The following EIF3E variants were observed in gnomAD, a reference collection of about 807,000 sequenced individuals.
EIF3E encodes eIF-3 p48.
EIF3E carries 25 observed loss-of-function variants against 59.3 expected under a neutral mutation model. The ratio of observed to expected loss-of-function variants is 0.42; its 90% confidence interval spans 0.31 to 0.59. The LOEUF is 0.59. EIF3E is among the 20% of genes least tolerant of loss of function. EIF3E has a pLI of 0.15. For synonymous variants in EIF3E, 176 were observed against 170.2 expected, an observed-to-expected ratio of 1.03 and a Z score of -0.26; for missense variants, 317 against 534.3, an observed-to-expected ratio of 0.59 and a Z score of 4.01.
rs921605241 is a variant in EIF3E, at chr8:108,227,580, A to C, written c.722+687T>G. 2.6e-5 allele frequency: 4 copies of C among 152,330 alleles called. No homozygotes were observed. The East Asian group carries it at 5.8e-4, about 22-fold the overall frequency. 9.4% of individuals were successfully genotyped at this position (152,330 alleles called of 1,614,324 possible). On this transcript the variant is annotated intron_variant, in intron 7 of 12. Transcript: ENST00000220849. Reference sequence around the variant, plus strand: ...ATCTAAAAAGGCAATCAAAATACTAAAGGGTCTGAAAAACTGTGTTACTTA... The same window carrying C: ...ATCTAAAAAGGCAATCAAAATACTACAGGGTCTGAAAAACTGTGTTACTTA...
intron 1 of EIF3E, among the ~76,000 whole-genome samples, chr8:108,245,944 C>T (rs1236104107): frequency 2.6e-5 from 4 of 152,174 alleles, no homozygotes; most frequent in Non-Finnish European, 5.9e-5. Context: ...CAAGACCCCC[C>T]AGCGGCTGCT....
chr8:108,248,636 G>A lies in EIF3E; in HGVS notation c.67C>T (p.Leu23Phe). Residue 23 changes from leucine to phenylalanine, a missense_variant, in exon 1 of 13, where the codon CTT (leucine) becomes TTT (phenylalanine). Around this residue, in one of 4 missense-constraint regions of EIF3E, gnomAD observed 242 missense variants for 398.0 expected, o/e 0.61. Transcript: ENST00000220849. ...ACCTCCTTTACAGAGAGAAATTCAAGAAGCGGAAAGACTAGATGCCGATCC... is the reference window on the plus strand; with the variant it reads ...ACCTCCTTTACAGAGAGAAATTCAAAAAGCGGAAAGACTAGATGCCGATCC... ...FLDRHLVFPL[L>F]EFLSVKEIYN... 6.2e-7 allele frequency: 1 copy of A among 1,614,108 alleles called. No individual in the cohort carries two copies. The highest frequency in any genetic ancestry group is 8.5e-7 in the Non-Finnish European group (1 of 1,180,020).
At chr8:108,247,814 TATAACTAATGTCA>T (rs1275179395) in intron 1 of EIF3E, among the ~76,000 whole-genome samples, 3 of 152,196 alleles carry the variant, frequency 2.0e-5, no homozygotes, top group Non-Finnish European at 4.4e-5. Context: ...AAACTCACGG[TATAACTAATGTCA>T]ATTTTCTTTT....
intron 2 of EIF3E, among the ~76,000 whole-genome samples, chr8:108,240,535 G>A (rs954210204): frequency 6.6e-6 from 1 of 152,192 alleles, no homozygotes; most frequent in African/African-American, 2.4e-5. Flanking sequence ...TAGGTTGAAT[G>A]GAATTTAAAT....
At chr8:108,245,735 A>G (rs1751314123) in intron 1 of EIF3E, among the ~76,000 whole-genome samples, 1 of 152,248 alleles carries the variant, frequency 6.6e-6, no homozygotes, top group Non-Finnish European at 1.5e-5. Context: ...AAGAAGAGTG[A>G]GAAACAAGTA....
rs538326072 is a variant in EIF3E at position 108,216,802 on chromosome 8, C to T, written c.850-289G>A. Among the ~76,000 whole-genome samples the T allele has an allele frequency of 2.6e-5, 4 of 152,276 alleles. No individual in the cohort carries two copies. In the East Asian group the frequency reaches 7.7e-4, roughly 29 times the overall value. ...TTGGTCAATAAACAGTAATAAACTTCCCCAATCATAAGGGTATTCATTCCC... is the reference window on the plus strand; with the variant it reads ...TTGGTCAATAAACAGTAATAAACTTTCCCAATCATAAGGGTATTCATTCCC... On this transcript the variant is annotated intron_variant, in intron 8 of 12. Coordinates refer to ENST00000220849, the MANE Select transcript of EIF3E (RefSeq NM_001568.3).
chr8:108,232,071 T>C (rs1395870012), intron 5 of EIF3E, among the ~76,000 whole-genome samples: 1 of 152,084 alleles, frequency 6.6e-6, no homozygotes, highest in Non-Finnish European at 1.5e-5. Context: ...ATTAATTAAC[T>C]AAAAAGTAAA....
Position 108,203,639 on chromosome 8 carries a change from C to G in EIF3E, c.1062-136G>C. On this transcript the variant is annotated intron_variant, in intron 10 of 12. Transcript: ENST00000220849. ...CACCCTTCTCTTATATACCATGACCCCTACTGTCTGATTTGTTCATGTGCT... is the reference window on the plus strand; with the variant it reads ...CACCCTTCTCTTATATACCATGACCGCTACTGTCTGATTTGTTCATGTGCT... 4 of 672,508 alleles carry G rather than the reference C, an allele frequency of 5.9e-6. 1 individual carries two copies. In the South Asian group the frequency reaches 7.3e-5, roughly 12 times the overall value. 41.7% of individuals were successfully genotyped at this position (672,508 alleles called of 1,614,324 possible).
rs1377481295 is a variant in EIF3E at position 108,204,764 on chromosome 8, G to T, written c.1062-1261C>A. On this transcript the variant is annotated intron_variant, in intron 10 of 12. Transcript: ENST00000220849. ...ATATATATAGAGAGAGAGAGAGAGA[G>T]AGAGAGAGAGAGAGAGACAGAGAGA... Among the ~76,000 whole-genome samples, 503 of 129,624 alleles carry T rather than the reference G, an allele frequency of 3.9e-3. 3 individuals carry two copies. The highest frequency in any genetic ancestry group is 8.7e-3 in the African/African-American group (261 of 30,046). The allele number at this position is 129,624 out of a possible 152,430, so 85.0% of individuals were successfully genotyped here.
At chr8:108,209,534 AAT>A (rs1305833301) in intron 10 of EIF3E, among the ~76,000 whole-genome samples, 1 of 152,076 alleles carries the variant, frequency 6.6e-6, no homozygotes, top group Non-Finnish European at 1.5e-5. Context: ...CCACTTATTT[AAT>A]ATCCGCTTCT....
In EIF3E at chr8:108,234,960, C is replaced by CAAAAA. The variant is rs3075616; in HGVS notation, c.471+33_471+37dup. 157 of 873,864 alleles carry CAAAAA rather than the reference C, an allele frequency of 1.8e-4. 3 individuals carry two copies. The highest frequency in any genetic ancestry group is 5.7e-4 in the South Asian group (26 of 45,528). The allele number at this position is 873,864 out of a possible 1,614,324, so 54.1% of individuals were successfully genotyped here. On this transcript the variant is annotated intron_variant, in intron 5 of 12. Coordinates refer to ENST00000220849, the MANE Select transcript of EIF3E (RefSeq NM_001568.3). ...AGAACCAAGGGAATCCTACAAAAGA[C>CAAAAA]AAAAAAAAAAAAAAAAAAAACATGT...
Position 108,201,934 on chromosome 8 carries a change from C to T in EIF3E, c.1300-11G>A. ...TGCCCAGTTAGGAGCCTAAAATATG[C>T]AAAAAGAAATCAACACCGTGAAAAG... On this transcript the variant is annotated splice_polypyrimidine_tract_variant and intron_variant, in intron 12 of 12. Transcript: ENST00000220849. 1.3e-6 allele frequency: 2 copies of T among 1,562,318 alleles called. No individual in the cohort carries two copies. The highest frequency in any genetic ancestry group is 1.8e-5 in the Admixed American group (1 of 54,688).
chr8:108,247,185 T>C (rs922917119), intron 1 of EIF3E, among the ~76,000 whole-genome samples: 1 of 152,172 alleles, frequency 6.6e-6, no homozygotes, highest in Non-Finnish European at 1.5e-5. Flanking sequence ...TCTAGCCCTA[T>C]GAAAATCTAA....
intron 7 of EIF3E, among the ~76,000 whole-genome samples, chr8:108,217,713 CTAT>C (rs1254771294): frequency 5.3e-5 from 8 of 152,076 alleles, no homozygotes; most frequent in African/African-American, 1.9e-4. Flanking sequence ...GCTAATTATC[CTAT>C]TATTATTTTT....
intron 10 of EIF3E, among the ~76,000 whole-genome samples, chr8:108,204,746 T>TATAGAGAGAG (rs1354950271): frequency 1.8e-5 from 2 of 113,686 alleles, no homozygotes; most frequent in East Asian, 2.9e-4. Context: ...TATATATATA[T>TATAGAGAGAG]AGAGAGAGAG....
chr8:108,248,488 C>G lies in EIF3E; in HGVS notation c.90+125G>C, dbSNP rs759217648. 11 of 839,144 alleles carry G rather than the reference C, an allele frequency of 1.3e-5. No individual in the cohort carries two copies. In the East Asian group the frequency reaches 2.5e-4, roughly 19 times the overall value. 52.0% of individuals were successfully genotyped at this position (839,144 alleles called of 1,614,324 possible). Reference sequence around the variant, plus strand: ...AAACTACCAGAAGATCCTTAGTGTCCGTCCAGGAACCAAACTCGCGACCGC... The same window carrying G: ...AAACTACCAGAAGATCCTTAGTGTCGGTCCAGGAACCAAACTCGCGACCGC... On this transcript the variant is annotated intron_variant, in intron 1 of 12. Coordinates refer to ENST00000220849, the MANE Select transcript of EIF3E (RefSeq NM_001568.3).
At chr8:108,209,611 A>T (rs150422084) in intron 10 of EIF3E, among the ~76,000 whole-genome samples, 6 of 152,302 alleles carry the variant, frequency 3.9e-5, no homozygotes, top group African/African-American at 1.4e-4. Context: ...TGGCCAAAAG[A>T]GGCACTCATT....
At chr8:108,204,111 C>CT (rs1239073036) in intron 10 of EIF3E, among the ~76,000 whole-genome samples, 2 of 151,994 alleles carry the variant, frequency 1.3e-5, no homozygotes, top group Non-Finnish European at 2.9e-5. Flanking sequence ...ACTTGGGAAT[C>CT]TATGAATTTT....
At chr8:108,220,340 T>C (rs1252631247) in intron 7 of EIF3E, among the ~76,000 whole-genome samples, 2 of 152,232 alleles carry the variant, frequency 1.3e-5, no homozygotes, top group African/African-American at 4.8e-5. Context: ...TAGTTAAATT[T>C]TGAAATATAG....
Sources: allele counts gnomAD v4.1 joint callset (sites outside exome capture counted in the v4.1 genomes callset), GRCh38; gene constraint gnomAD v4.1.1; regional missense constraint gnomAD v4.1.1; transcripts MANE v1.5; gene names NCBI Gene and HGNC (gene_info 2026-07-23, HGNC 2026-07-21).